AGBL1: variants seen among roughly 807,000 people sequenced by gnomAD.
The protein encoded by AGBL1 is cytosolic carboxypeptidase 4.
A neutral mutation model predicts 118.9 loss-of-function variants in AGBL1; 130 were observed. That is an observed-to-expected ratio of 1.09 (90% CI 0.95 to 1.26). The LOEUF (loss-of-function observed/expected upper bound fraction) is 1.26, where lower values mean the gene tolerates loss of function less well. Ranked by LOEUF, AGBL1 falls within the 50% of genes most tolerant of loss-of-function variation. The probability of loss-of-function intolerance (pLI) is 0.00; values close to 1 mark genes in which losing one functional copy is unlikely to be tolerated. For missense variants in AGBL1, 1,584 were observed against 1,298.1 expected (o/e 1.22, Z -3.38); for synonymous variants, 555 against 478.9 (o/e 1.16, Z -2.08).
chr15:86,273,525 A>T (rs1008092304), intron 15 of AGBL1, among the ~76,000 whole-genome samples: 1 of 152,184 alleles, frequency 6.6e-6, no homozygotes, highest in Non-Finnish European at 1.5e-5. Flanking sequence ...TTCACCCACA[A>T]ATTAGAACGC....
intron 17 of AGBL1, among the ~76,000 whole-genome samples, chr15:86,397,105 G>T (rs2081376549): frequency 6.6e-6 from 1 of 152,102 alleles, no homozygotes; most frequent in African/African-American, 2.4e-5. Context: ...AAAACCTCAT[G>T]CCAATCATGT....
intron 7 of AGBL1, among the ~76,000 whole-genome samples, chr15:86,251,724 A>G (rs2078818395): frequency 6.6e-6 from 1 of 152,124 alleles, no homozygotes; most frequent in Non-Finnish European, 1.5e-5. Context: ...CTGAGATCAT[A>G]GTGCAGCAAG....
Position 86,962,860 on chromosome 15 carries a change from C to A in AGBL1, c.3222-25127C>A, listed in dbSNP as rs575055696. Among the ~76,000 whole-genome samples the A allele has an allele frequency of 7.9e-5, 12 of 152,088 alleles. 1 individual carries two copies. In the South Asian group the frequency reaches 2.5e-3, roughly 32 times the overall value. Reference sequence around the variant, plus strand: ...TATCTGCAACATCCCCAGCTGATTCCTGTGCACAAAAAGTTTGAGAAAGTC... The same window carrying A: ...TATCTGCAACATCCCCAGCTGATTCATGTGCACAAAAAGTTTGAGAAAGTC... On this transcript the variant is annotated intron_variant, in intron 23 of 24. Coordinates refer to the AGBL1 transcript ENST00000441037.
chr15:86,375,028 T>C (rs2081022363), intron 17 of AGBL1, among the ~76,000 whole-genome samples: 1 of 152,310 alleles, frequency 6.6e-6, no homozygotes, highest in African/African-American at 2.4e-5. Flanking sequence ...TTGGTTTCCC[T>C]TTGTGGAATC....
chr15:86,891,383 G>A (rs79428316), intron 22 of AGBL1, among the ~76,000 whole-genome samples: 1 of 152,058 alleles, frequency 6.6e-6, no homozygotes, highest in Non-Finnish European at 1.5e-5. Context: ...TGAGTGAGAT[G>A]GTCCCATCTC....
At chr15:86,376,983 C>A (rs980461961) in intron 17 of AGBL1, among the ~76,000 whole-genome samples, 16 of 152,144 alleles carry the variant, frequency 1.1e-4, no homozygotes, top group African/African-American at 3.9e-4. Flanking sequence ...AGGGACTCTA[C>A]CAAGCTAGAC....
chr15:86,162,284 C>T lies in AGBL1; in HGVS notation c.488+3258C>T, dbSNP rs1028001851. ...CTAGCATGCTATGGGAGAGTTATTC[C>T]GGGATGCCTTTGTAGGAGCAGATGC... On this transcript the variant is annotated intron_variant, in intron 5 of 22. Coordinates refer to ENST00000614907, the MANE Select transcript of AGBL1 (RefSeq NM_001386094.1). Among the ~76,000 whole-genome samples the T allele has an allele frequency of 6.0e-4, 91 of 152,076 alleles. 1 individual carries two copies. Among genetic ancestry groups the T allele is most frequent in the African/African-American group, 2.0e-3 (84 of 41,430 alleles).
At chr15:86,997,892 CACACACACACACACA>C (rs575187849) in intron 24 of AGBL1, among the ~76,000 whole-genome samples, 5,552 of 28,562 alleles carry the variant, frequency 0.19, 349 homozygotes, top group African/African-American at 0.3. Context: ...ATGTGGAAGA[CACACACACACACACA>C]CACACACACA....
At chr15:86,865,444 GC>G (rs1198752580) in intron 22 of AGBL1, among the ~76,000 whole-genome samples, 7 of 152,146 alleles carry the variant, frequency 4.6e-5, no homozygotes, top group Admixed American at 2.6e-4. Context: ...AGAAACACAG[GC>G]CCTTGGCATA....
chr15:86,645,733 C>T (rs1184179675), intron 21 of AGBL1, among the ~76,000 whole-genome samples: 5 of 152,158 alleles, frequency 3.3e-5, no homozygotes, highest in Non-Finnish European at 7.3e-5. Flanking sequence ...AGGTCAAGTA[C>T]TCAGTCCAAG....
Position 86,091,066 on chromosome 15 carries a change from G to C in AGBL1, c.51+11043G>C, listed in dbSNP as rs1895989649. ...TTTAGGAAGGCCAAAGTTGATTTTG[G>C]GTACTGCCACCGACTTTCTGGTTGA... On this transcript the variant is annotated intron_variant, in intron 1 of 22. Transcript: ENST00000614907. 2.0e-5 allele frequency among the ~76,000 whole-genome samples: 3 copies of C among 152,044 alleles called. No homozygotes were observed. In the South Asian group the frequency reaches 6.2e-4, roughly 32 times the overall value.
At chr15:86,275,135 A>C (rs1210072685) in intron 15 of AGBL1, among the ~76,000 whole-genome samples, 3 of 152,062 alleles carry the variant, frequency 2.0e-5, no homozygotes. Context: ...ACCTTTTTGA[A>C]TTCTCTCCCA....
chr15:87,020,121 T>C (rs1416595205), intron 24 of AGBL1, among the ~76,000 whole-genome samples: 1 of 151,996 alleles, frequency 6.6e-6, no homozygotes, highest in African/African-American at 2.4e-5. Flanking sequence ...CAGTAATAGA[T>C]AGCCTACCAA....
chr15:86,879,393 G>A (rs535109992), intron 22 of AGBL1, among the ~76,000 whole-genome samples: 3 of 152,098 alleles, frequency 2.0e-5, no homozygotes, highest in African/African-American at 4.8e-5. Flanking sequence ...GAACTTACCT[G>A]CTGAGTGTGC....
chr15:86,271,668 C>T lies in AGBL1; in HGVS notation c.2037C>T (p.Pro679=). 1 of 1,613,466 alleles carries T rather than the reference C, an allele frequency of 6.2e-7. No homozygotes were observed. The change falls in exon 15 of 23, where the codon CCC becomes CCT. Residue 679 remains proline, a synonymous_variant. Transcript: ENST00000614907. ...YSVKEALLGK[P]TWIRTGHEIC... is the part of the protein sequence containing the mutation. ...TGAAGGAGGCTCTTCTTGGCAAACC[C>T]ACCTGGATAAGGACAGGCCATGAAA...
At chr15:86,320,559 C>T (rs1244695648) in intron 17 of AGBL1, among the ~76,000 whole-genome samples, 2 of 150,178 alleles carry the variant, frequency 1.3e-5, no homozygotes, top group Non-Finnish European at 3.0e-5. Flanking sequence ...GTTTTTTTTT[C>T]CCCTTTGCTT....
At chr15:86,174,797 G>A (rs182569235) in intron 5 of AGBL1, among the ~76,000 whole-genome samples, 1 of 152,136 alleles carries the variant, frequency 6.6e-6, no homozygotes, top group Non-Finnish European at 1.5e-5. Flanking sequence ...ATATGTCACA[G>A]TTATTGATTT....
chr15:87,015,554 C>T (rs1284316992), intron 24 of AGBL1, among the ~76,000 whole-genome samples: 1 of 152,136 alleles, frequency 6.6e-6, no homozygotes, highest in Non-Finnish European at 1.5e-5. Flanking sequence ...ACACTGAGTG[C>T]CTTCTGTGCT....
chr15:86,079,881 T>C lies in AGBL1; in HGVS notation c.-92T>C. The C allele has an allele frequency of 1.0e-6, 1 of 984,760 alleles. No individual in the cohort carries two copies. Among genetic ancestry groups the C allele is most frequent in the Non-Finnish European group, 1.3e-6 (1 of 760,272 alleles). 61.0% of individuals were successfully genotyped at this position (984,760 alleles called of 1,614,324 possible). ...CTGAGGCCTCCGGGCAGTCGTCTCC[T>C]GCGAGGCGGGCAGCGAGGTCAGCTT... On this transcript the variant is annotated 5_prime_UTR_variant, in exon 1 of 23. Transcript: ENST00000614907.
Sources: gnomAD v4.1 joint callset for allele counts (sites outside exome capture counted in the v4.1 genomes callset) on GRCh38, gnomAD v4.1.1 for gene constraint, MANE v1.5 for transcripts, NCBI Gene and HGNC (gene_info 2026-07-23, HGNC 2026-07-21) for gene names.